GAS7: variants seen among roughly 807,000 people sequenced by gnomAD.
GAS7 encodes the protein growth arrest specific 7.
A neutral mutation model predicts 71.1 loss-of-function variants in GAS7; 28 were observed. That is an observed-to-expected ratio of 0.39 (90% CI 0.29 to 0.54). GAS7 has a LOEUF of 0.54. Ranked by LOEUF, GAS7 falls within the 20% of genes least tolerant of loss-of-function variation. GAS7 has a pLI of 0.62. For synonymous variants in GAS7, 258 were observed against 245.8 expected (o/e 1.05, Z -0.46); for missense variants, 436 against 627.8 (o/e 0.69, Z 3.27).
chr17:9,959,394 C>CCAGG lies in GAS7; in HGVS notation c.472-143_472-140dup. 6.7e-7 allele frequency: 1 copy of CCAGG among 1,503,560 alleles called. No individual in the cohort carries two copies. The allele number at this position is 1,503,560 out of a possible 1,614,324, so 93.1% of individuals were successfully genotyped here. On this transcript the variant is annotated intron_variant, in intron 4 of 13. Coordinates refer to ENST00000432992, the MANE Select transcript of GAS7 (RefSeq NM_201433.2). This position sits in a 1 kb window ranked among gnomAD's most constrained non-coding sequence, Gnocchi z 5.0. ...GAATCCTAAGTCACCATATTCTGGG[C>CCAGG]CAGGGCAAGCAGGGGTCTCCCTGAC...
chr17:9,913,764 G>C lies in GAS7; in HGVS notation c.*3464C>G, dbSNP rs1176205771. The stretch of plus-strand genomic sequence containing the variant: ...CTGACTGAAAGCACTAGAAAGAATA[G>C]AGGGTAACAAGTGGCTCTTCCTGGA... On this transcript the variant is annotated 3_prime_UTR_variant, in exon 14 of 14. Transcript: ENST00000432992. 1 of 231,704 alleles carries C rather than the reference G, an allele frequency of 4.3e-6. No homozygotes were observed. The highest frequency in any genetic ancestry group is 8.5e-6 in the Non-Finnish European group (1 of 117,122). The allele number at this position is 231,704 out of a possible 1,614,324, so 14.4% of individuals were successfully genotyped here. A position where few individuals can be genotyped will look rare whatever the true frequency, so the allele number is the denominator to read the frequency against.
intron 1 of GAS7, among the ~76,000 whole-genome samples, chr17:10,154,629 A>G (rs2142111384): frequency 6.6e-6 from 1 of 152,286 alleles, no homozygotes; most frequent in South Asian, 2.1e-4. Context: ...CCAGGGCAGT[A>G]TAGTGAGACT....
intron 1 of GAS7, among the ~76,000 whole-genome samples, chr17:10,124,397 T>C (rs1261579506): frequency 3.9e-5 from 6 of 152,104 alleles, no homozygotes; most frequent in Non-Finnish European, 5.9e-5. Context: ...CACAGTTCCT[T>C]ACTAAATCTC....
chr17:10,060,919 C>T (rs117624701), intron 1 of GAS7, among the ~76,000 whole-genome samples: 253 of 152,262 alleles, frequency 1.7e-3, no homozygotes, highest in Non-Finnish European at 3.0e-3. Context: ...GTTGTCATGA[C>T]GGAGGTGGGA....
chr17:9,966,245 G>A (rs1472085777), intron 4 of GAS7, among the ~76,000 whole-genome samples: 1 of 151,826 alleles, frequency 6.6e-6, no homozygotes, highest in Non-Finnish European at 1.5e-5. Context: ...TGATCTGCCT[G>A]CCTCGGCCTC....
chr17:10,185,532 T>C (rs182809060), intron 1 of GAS7, among the ~76,000 whole-genome samples: 30 of 152,332 alleles, frequency 2.0e-4, no homozygotes, highest in Non-Finnish European at 3.7e-4. Flanking sequence ...TTCATCTGTA[T>C]CCTTTATAGT....
At chr17:10,023,934 G>A (rs1407281151) in intron 1 of GAS7, among the ~76,000 whole-genome samples, 1 of 152,068 alleles carries the variant, frequency 6.6e-6, no homozygotes, top group African/African-American at 2.4e-5. Flanking sequence ...GACCAGCCTG[G>A]CCAACCTGGT....
chr17:10,007,996 T>C (rs989981226), intron 2 of GAS7, among the ~76,000 whole-genome samples: 4 of 152,204 alleles, frequency 2.6e-5, no homozygotes, highest in African/African-American at 9.7e-5. Context: ...TTTTTGTGTC[T>C]AGCTTCTTTG....
rs902402026 is a variant in GAS7 at position 10,072,589 on chromosome 17, T to C, written c.184-52692A>G. Among the ~76,000 whole-genome samples, 149 of 152,342 alleles carry C rather than the reference T, an allele frequency of 9.8e-4. 2 individuals are homozygous for C. Among genetic ancestry groups the C allele is most frequent in the Non-Finnish European group, 1.8e-4 (12 of 68,034 alleles). ...TAACAGATGCTTCTGCCTTCAAATA[T>C]GCTTTCTGTAAAACCCTAGAGCCAC... On this transcript the variant is annotated intron_variant, in intron 1 of 13. Transcript: ENST00000432992.
chr17:9,967,614 CT>C (rs55673577), intron 4 of GAS7, among the ~76,000 whole-genome samples: 2 of 150,946 alleles, frequency 1.3e-5, no homozygotes, highest in Non-Finnish European at 3.0e-5. Flanking sequence ...GTGTGTCCTA[CT>C]TTTTTTTTAC....
intron 1 of GAS7, among the ~76,000 whole-genome samples, chr17:10,021,849 TGCATGCGCGCGTGCATGTTGAGAG>T (rs971575983): frequency 6.6e-6 from 1 of 152,190 alleles, no homozygotes; most frequent in Non-Finnish European, 1.5e-5. Flanking sequence ...TGTGTGCGTG[TGCATGCGCGCGTGCATGTTGAGAG>T]AAAGAGAAGT....
Position 10,154,217 on chromosome 17 carries a change from A to T in GAS7, c.183+43991T>A, listed in dbSNP as rs140525227. On this transcript the variant is annotated intron_variant, in intron 1 of 13. Coordinates refer to ENST00000432992, the MANE Select transcript of GAS7 (RefSeq NM_201433.2). The stretch of plus-strand genomic sequence containing the variant: ...ACATATTAAAAATTCACACAGGCCA[A>T]ACTGGGTCTGATGGCTCATGCCTGT... Among the ~76,000 whole-genome samples the T allele has an allele frequency of 2.0e-5, 3 of 151,676 alleles. No homozygotes were observed. In the East Asian group the frequency reaches 5.9e-4, roughly 30 times the overall value.
chr17:10,164,001 T>A (rs1597829357), intron 1 of GAS7, among the ~76,000 whole-genome samples: 2 of 152,280 alleles, frequency 1.3e-5, no homozygotes, highest in Non-Finnish European at 2.9e-5. Context: ...CAGGCTCCCA[T>A]GAGGCCCCAG....
At chr17:9,925,664 G>T in intron 10 of GAS7, 65 bp from the exon 11 acceptor site, 1 of 1,576,308 alleles carries the variant, frequency 6.3e-7, no homozygotes, top group Non-Finnish European at 8.7e-7. Context: ...CCTGGGCCAC[G>T]CAGCCCAGCT....
Position 9,934,018 on chromosome 17 carries a change from C to T in GAS7, c.885+148G>A, listed in dbSNP as rs1196354277. On this transcript the variant is annotated intron_variant, in intron 9 of 13. Transcript: ENST00000432992. ...TGAGCCACTGGGCAGATATCTCTTC[C>T]CAACTCCGTATTCCGTGACTTCATG... 1.2e-5 allele frequency: 8 copies of T among 659,878 alleles called. No individual in the cohort carries two copies. The East Asian group carries it at 2.2e-4, about 18-fold the overall frequency. The allele number at this position is 659,878 out of a possible 1,614,324, so 40.9% of individuals were successfully genotyped here.
At chr17:9,918,212 ACTCT>A in intron 12 of GAS7, 113 bp from the exon 13 acceptor site, 3 of 692,054 alleles carry the variant, frequency 4.3e-6, no homozygotes, top group Non-Finnish European at 7.5e-6. Flanking sequence ...GTCCCATCTG[ACTCT>A]CTGGGGTCTG....
chr17:10,093,879 T>C (rs1358132320), intron 1 of GAS7, among the ~76,000 whole-genome samples: 9 of 152,150 alleles, frequency 5.9e-5, no homozygotes, highest in Non-Finnish European at 1.2e-4. Flanking sequence ...TCATTTTAAA[T>C]CCTTTGCTGG....
chr17:10,159,786 C>CT (rs71139021), intron 1 of GAS7, among the ~76,000 whole-genome samples: 51,893 of 134,082 alleles, frequency 0.39, 10,748 homozygotes, highest in East Asian at 0.62. Flanking sequence ...GAAGTGTGAC[C>CT]TTTTTTTTTT....
At chr17:9,971,250 A>G (rs574665965) in intron 3 of GAS7, among the ~76,000 whole-genome samples, 1 of 151,948 alleles carries the variant, frequency 6.6e-6, no homozygotes, top group South Asian at 2.1e-4. Flanking sequence ...AAATAGAAAA[A>G]ATTTAAAAAA....
Sources: gnomAD v4.1 joint callset for allele counts (sites outside exome capture counted in the v4.1 genomes callset) on GRCh38, gnomAD v4.1.1 for gene constraint, Gnocchi (gnomAD v3.1) non-coding constraint, MANE v1.5 for transcripts, NCBI Gene and HGNC (gene_info 2026-07-23, HGNC 2026-07-21) for gene names.